FAM149B1: variants seen among roughly 807,000 people sequenced by gnomAD.
FAM149B1 encodes the protein primary cilium assembly protein FAM149B1.
In FAM149B1, 56 loss-of-function variants were observed where a neutral mutation model predicts 75.3. The ratio of observed to expected loss-of-function variants is 0.74; its 90% CI spans 0.60 to 0.93. The LOEUF (loss-of-function observed/expected upper bound fraction) is 0.93. Among genes scored for constraint, FAM149B1 ranks in the 40% least tolerant of loss-of-function variants. The pLI, the probability that FAM149B1 is intolerant of heterozygous loss-of-function variation, is 0.00. For missense variants in FAM149B1, 639 were observed against 708.4 expected (o/e 0.90, Z 1.11); for synonymous variants, 259 against 256.1 (o/e 1.01, Z -0.11).
chr10:73,240,889 T>G, intron 13 of FAM149B1, 57 bp from the exon 14 acceptor site: 1 of 1,035,850 alleles, frequency 9.7e-7, no homozygotes, highest in Non-Finnish European at 1.5e-6. Context: ...GCTATAAACT[T>G]GAGAGTGATT....
At chr10:73,216,013 C>T (rs1340140809) in intron 7 of FAM149B1, among the ~76,000 whole-genome samples, 3 of 152,148 alleles carry the variant, frequency 2.0e-5, no homozygotes, top group South Asian at 2.1e-4. Flanking sequence ...AAAATCCCCA[C>T]TATTATTGTA....
chr10:73,177,553 G>A (rs563492806), intron 2 of FAM149B1, among the ~76,000 whole-genome samples: 4 of 151,064 alleles, frequency 2.6e-5, no homozygotes, highest in South Asian at 2.1e-4. Context: ...TAGCCTGGGC[G>A]ACAGCATGAG....
At chr10:73,221,708 A>G (rs535771157) in intron 7 of FAM149B1, among the ~76,000 whole-genome samples, 1 of 151,746 alleles carries the variant, frequency 6.6e-6, no homozygotes, top group South Asian at 2.1e-4. Context: ...TTCAGCCATT[A>G]TTTCTTCAGA....
At chr10:73,180,826 G>A (rs2133310762) in intron 3 of FAM149B1, among the ~76,000 whole-genome samples, 1 of 151,876 alleles carries the variant, frequency 6.6e-6, no homozygotes, top group East Asian at 1.9e-4. Flanking sequence ...CTCACCCTTT[G>A]TGCTATGAAA....
intron 12 of FAM149B1, chr10:73,235,582 T>A: frequency 1.7e-6 from 1 of 575,878 alleles, no homozygotes; most frequent in Non-Finnish European, 2.7e-6. Context: ...GCAAGAATAT[T>A]AAATCCCAGT....
chr10:73,176,913 G>A (rs1843991188), intron 2 of FAM149B1, among the ~76,000 whole-genome samples: 2 of 152,120 alleles, frequency 1.3e-5, no homozygotes, highest in African/African-American at 4.8e-5. Flanking sequence ...TGTAGTCCCA[G>A]CTACCAAGGA....
At position 73,243,244 on chromosome 10, in the gene FAM149B1, TGA is replaced by T. The variant is rs2043974006; in HGVS notation, c.*2230_*2231del. ...TTTCTAGGAAATACTAAGATCAGGT[TGA>T]GAGATTCTGCTTGGTCTAGTCAATC... On this transcript the variant is annotated 3_prime_UTR_variant, in exon 14 of 14. Transcript: ENST00000242505. The T allele has an allele frequency of 4.1e-6, 3 of 738,892 alleles. No homozygotes were observed. The East Asian group carries it at 7.7e-5, about 19-fold the overall frequency. The allele number at this position is 738,892 out of a possible 1,614,324, so 45.8% of individuals were successfully genotyped here. A position where few individuals can be genotyped will look rare whatever the true frequency, so the allele number is the denominator to read the frequency against.
intron 6 of FAM149B1, among the ~76,000 whole-genome samples, chr10:73,209,743 C>G (rs1408580973): frequency 6.6e-6 from 1 of 152,260 alleles, no homozygotes; most frequent in African/African-American, 2.4e-5. Context: ...ACCTGTTAAA[C>G]TATTCCTCTA....
At chr10:73,174,368 G>A (rs1843847308) in intron 1 of FAM149B1, among the ~76,000 whole-genome samples, 1 of 152,106 alleles carries the variant, frequency 6.6e-6, no homozygotes, top group African/African-American at 2.4e-5. Flanking sequence ...TAATTGGTGT[G>A]TGGTGATATC....
intron 5 of FAM149B1, among the ~76,000 whole-genome samples, chr10:73,194,812 T>G (rs529957128): frequency 6.6e-6 from 1 of 152,068 alleles, no homozygotes; most frequent in East Asian, 1.9e-4. Context: ...GCCTCCTGAT[T>G]AGCTGGGATT....
intron 4 of FAM149B1, 32 bp downstream of exon 4, chr10:73,192,730 T>C: frequency 2.0e-6 from 3 of 1,478,394 alleles, no homozygotes; most frequent in Non-Finnish European, 2.7e-6. Context: ...CTTGTATTCA[T>C]GGCTAATACT....
At chr10:73,199,408 G>A (rs1012637884) in intron 5 of FAM149B1, among the ~76,000 whole-genome samples, 8 of 151,904 alleles carry the variant, frequency 5.3e-5, no homozygotes, top group South Asian at 2.1e-4. Flanking sequence ...TAGTAGAGAC[G>A]GGGTTTCACT....
intron 3 of FAM149B1, among the ~76,000 whole-genome samples, chr10:73,184,944 G>A (rs991365699): frequency 6.6e-6 from 1 of 152,102 alleles, no homozygotes; most frequent in Non-Finnish European, 1.5e-5. Flanking sequence ...AGAAAATAAA[G>A]TCAAAAGCTG....
chr10:73,177,767 G>A, intron 2 of FAM149B1, 79 bp from the exon 3 acceptor site: 2 of 1,275,954 alleles, frequency 1.6e-6, no homozygotes, highest in Non-Finnish European at 2.2e-6. Flanking sequence ...GTAAGTTGCT[G>A]AGTAGTTAAT....
chr10:73,186,557 G>A (rs550805401), intron 3 of FAM149B1, among the ~76,000 whole-genome samples: 1 of 152,304 alleles, frequency 6.6e-6, no homozygotes, highest in East Asian at 1.9e-4. Context: ...ATACCATGAT[G>A]TAAAGAAAAT....
chr10:73,197,710 C>T (rs1448671542), intron 5 of FAM149B1, among the ~76,000 whole-genome samples: 1 of 151,700 alleles, frequency 6.6e-6, no homozygotes, highest in Non-Finnish European at 1.5e-5. Flanking sequence ...GCAGAGGTTG[C>T]AGTAAGCTGA....
chr10:73,231,925 T>TAA lies in FAM149B1; in HGVS notation c.1128-1001_1128-1000dup, dbSNP rs10693492. Among the ~76,000 whole-genome samples the TAA allele has an allele frequency of 5.2e-3, 736 of 142,044 alleles. 1 individual carries two copies. Among genetic ancestry groups the TAA allele is most frequent in the African/African-American group, 0.015 (577 of 38,936 alleles). The allele number at this position is 142,044 out of a possible 152,430, so 93.2% of individuals were successfully genotyped here. A position where few individuals can be genotyped will look rare whatever the true frequency, so the allele number is the denominator to read the frequency against. ...TAATTAGAAAGCAGTTAGGGTGTGT[T>TAA]AAAAAAAAAAAAAAGGCATAAGTGA... On this transcript the variant is annotated intron_variant, in intron 9 of 13. Coordinates refer to ENST00000242505, the MANE Select transcript of FAM149B1 (RefSeq NM_173348.2).
chr10:73,224,058 T>G (rs2043478318), intron 7 of FAM149B1, among the ~76,000 whole-genome samples: 2 of 152,248 alleles, frequency 1.3e-5, no homozygotes, highest in African/African-American at 4.8e-5. Context: ...ACTGTAATTT[T>G]GAGACTAAAG....
At chr10:73,201,210 TGTAGCTGACC>T (rs1382607034) in intron 5 of FAM149B1, 1 of 236,504 alleles carries the variant, frequency 4.2e-6, no homozygotes, top group Non-Finnish European at 9.2e-6. Context: ...TGCCCATAAA[TGTAGCTGACC>T]GTATTTAATT....
Sources: gnomAD v4.1 joint callset for allele counts (sites outside exome capture counted in the v4.1 genomes callset) on GRCh38, gnomAD v4.1.1 for gene constraint, MANE v1.5 for transcripts, NCBI Gene and HGNC (gene_info 2026-07-23, HGNC 2026-07-21) for gene names.